The following NPHS2 variants were observed in gnomAD, a reference collection of about 807,000 sequenced individuals.
NPHS2 encodes NPHS2 stomatin family member, podocin, also known as podocin.
Under a neutral mutation model 37.1 loss-of-function variants are expected in NPHS2, and 36 were observed. That is an observed-to-expected ratio of 0.97 (90% CI 0.74 to 1.28). The LOEUF (loss-of-function observed/expected upper bound fraction) is 1.28, where lower values mean the gene tolerates loss of function less well. NPHS2 is among the 50% of genes most tolerant of loss of function. The pLI is 0.00. For synonymous variants in NPHS2, 196 were observed against 189.3 expected (o/e 1.04, Z -0.29); for missense variants, 447 against 488.1 (o/e 0.92, Z 0.79).
intron 1 of NPHS2, among the ~76,000 whole-genome samples, chr1:179,571,617 A>G (rs905555672): frequency 6.6e-6 from 1 of 152,170 alleles, no homozygotes; most frequent in Non-Finnish European, 1.5e-5. Flanking sequence ...TCAGACAGGG[A>G]TGTTTAAGTC....
intron 1 of NPHS2, among the ~76,000 whole-genome samples, chr1:179,570,998 T>C (rs1674531767): frequency 6.6e-6 from 1 of 152,204 alleles, no homozygotes; most frequent in Non-Finnish European, 1.5e-5. Flanking sequence ...TTCCTTGCGA[T>C]GGGTTCGAAC....
Position 179,551,330 on chromosome 1 carries a change from G to A in NPHS2, c.995C>T (p.Thr332Ile), listed in dbSNP as rs1160977844. 2.5e-6 allele frequency: 4 copies of A among 1,614,180 alleles called. No individual in the cohort carries two copies. The highest frequency in any genetic ancestry group is 3.4e-6 in the Non-Finnish European group (4 of 1,180,020). Residue 332 changes from threonine to isoleucine, a missense_variant, in exon 8 of 8, where the codon ACA becomes ATA. Thr to Ile is a moderately conservative substitution (Grantham distance 89). Transcript: ENST00000367615. ...RYLHTLQSLS[T>I]EKPSTVVLPL... ...TAAAACCACAGTGGAAGGCTTCTCT[G>A]TGGACAGAGACTGAAGGGTGTGGAG...
At chr1:179,574,156 G>C (rs919283463) in intron 1 of NPHS2, among the ~76,000 whole-genome samples, 3 of 152,112 alleles carry the variant, frequency 2.0e-5, no homozygotes, top group Non-Finnish European at 4.4e-5. Flanking sequence ...TCCTGCTTTT[G>C]TTACTCTGTA....
chr1:179,551,568 A>G, intron 7 of NPHS2, 117 bp from the exon 8 acceptor site: 5 of 1,172,172 alleles, frequency 4.3e-6, no homozygotes, highest in Non-Finnish European at 5.0e-6. Flanking sequence ...AAGCACGGTT[A>G]AGCATAGAAC....
chr1:179,552,675 A>G lies in NPHS2; in HGVS notation c.801T>C (p.Asp267=), dbSNP rs759106173. 1.2e-6 allele frequency: 2 copies of G among 1,613,718 alleles called. No homozygotes were observed. Among genetic ancestry groups the G allele is most frequent in the Non-Finnish European group, 8.5e-7 (1 of 1,179,740 alleles). ...GCTGAAGCCCAGCTGGCAACCTCAC[A>G]TCTTTACTGAAAAAGAAAGAATGCA... The part of the protein sequence containing the change: ...GIKVERIEIK[D]VRLPAGLQHS... The change falls in exon 7 of 8, where the codon GAT becomes GAC. Residue 267 remains aspartate, a synonymous_variant. Coordinates refer to ENST00000367615, the MANE Select transcript of NPHS2 (RefSeq NM_014625.4).
chr1:179,559,018 T>C (rs1466025939), intron 4 of NPHS2, among the ~76,000 whole-genome samples: 2 of 145,580 alleles, frequency 1.4e-5, no homozygotes, highest in South Asian at 4.3e-4. Context: ...CGTACACATA[T>C]AGGTATGCTG....
intron 1 of NPHS2, among the ~76,000 whole-genome samples, chr1:179,570,784 C>T (rs1342172090): frequency 6.6e-6 from 1 of 152,146 alleles, no homozygotes; most frequent in Non-Finnish European, 1.5e-5. Context: ...TTTCTCTAAC[C>T]TTGTCTTCTC....
intron 2 of NPHS2, among the ~76,000 whole-genome samples, chr1:179,564,275 C>G (rs1472266900): frequency 6.6e-6 from 1 of 152,158 alleles, no homozygotes; most frequent in Non-Finnish European, 1.5e-5. Context: ...ACTTCAGGGA[C>G]AGGCATCTGT....
intron 3 of NPHS2, among the ~76,000 whole-genome samples, chr1:179,560,389 A>C (rs2125787036): frequency 6.6e-6 from 1 of 152,282 alleles, no homozygotes; most frequent in Non-Finnish European, 1.5e-5. Context: ...CAAAAGCCAA[A>C]GCTTTGTTGA....
chr1:179,554,420 G>T lies in NPHS2; in HGVS notation c.794+56C>A. The T allele has an allele frequency of 1.9e-6, 3 of 1,606,932 alleles. No homozygotes were observed. The Admixed American group carries it at 5.0e-5, about 27-fold the overall frequency. On this transcript the variant is annotated intron_variant, in intron 6 of 7. Coordinates refer to ENST00000367615, the MANE Select transcript of NPHS2 (RefSeq NM_014625.4). ...ATTTTTCAAATGAAAAATTTAAAAT[G>T]AAACCAGAATATTTTCCTTTATCAT...
At chr1:179,566,232 G>A (rs1674329371) in intron 1 of NPHS2, among the ~76,000 whole-genome samples, 1 of 152,190 alleles carries the variant, frequency 6.6e-6, no homozygotes. Context: ...AGCATCTGTT[G>A]TTTCCTGACT....
chr1:179,557,019 C>G lies in NPHS2; in HGVS notation c.738+8G>C. On this transcript the variant is annotated splice_region_variant and intron_variant, in intron 5 of 7. Transcript: ENST00000367615. ...TCAGCATATTGGCCATTATGTTTAT[C>G]TAAGTACCTTTGCATCTTGGGCGAT... 3 of 1,607,900 alleles carry G rather than the reference C, an allele frequency of 1.9e-6. No individual in the cohort carries two copies. In the South Asian group the frequency reaches 3.3e-5, roughly 18 times the overall value.
chr1:179,551,115 C>T lies in NPHS2; in HGVS notation c.*58G>A, dbSNP rs1319531348. ...GGGAATGAGGACAGAGTGTCTCCCT[C>T]AGGCATGTGACTTTTCTATGGCAGG... is the stretch of plus-strand genomic sequence containing the variant. On this transcript the variant is annotated 3_prime_UTR_variant, in exon 8 of 8. Transcript: ENST00000367615. 5.0e-6 allele frequency: 8 copies of T among 1,607,122 alleles called. No individual in the cohort carries two copies. The African/African-American group carries it at 9.4e-5, about 19-fold the overall frequency.
Position 179,550,812 on chromosome 1 carries a change from T to C in NPHS2, c.*361A>G. The stretch of plus-strand genomic sequence containing the variant: ...TGCTTGTAGGAAGGGCTGTGGGAGC[T>C]GTGGCAACCTTGCCAAAGGGGTCAG... On this transcript the variant is annotated 3_prime_UTR_variant, in exon 8 of 8. Transcript: ENST00000367615. 1 of 321,994 alleles carries C rather than the reference T, an allele frequency of 3.1e-6. No individual in the cohort carries two copies. Among genetic ancestry groups the C allele is most frequent in the Admixed American group, 4.2e-5 (1 of 23,556 alleles). 19.9% of individuals were successfully genotyped at this position (321,994 alleles called of 1,614,324 possible). A position where few individuals can be genotyped will look rare whatever the true frequency, so the allele number is the denominator to read the frequency against.
intron 1 of NPHS2, among the ~76,000 whole-genome samples, chr1:179,567,225 A>G (rs1215437822): frequency 5.3e-5 from 8 of 152,022 alleles, no homozygotes; most frequent in Non-Finnish European, 1.2e-4. Flanking sequence ...ATTTGTTTCT[A>G]TCCTCTTTTA....
chr1:179,555,390 C>A (rs945991513), intron 5 of NPHS2, among the ~76,000 whole-genome samples: 3 of 152,190 alleles, frequency 2.0e-5, no homozygotes, highest in Non-Finnish European at 4.4e-5. Flanking sequence ...CCATCCACCC[C>A]CTTGATTGAA....
intron 6 of NPHS2, among the ~76,000 whole-genome samples, chr1:179,553,645 G>C (rs554374156): frequency 6.6e-6 from 1 of 152,128 alleles, no homozygotes; most frequent in Non-Finnish European, 1.5e-5. Flanking sequence ...GCTTCCTTTC[G>C]GGATGATGAA....
chr1:179,555,666 G>A (rs1371502044), intron 5 of NPHS2, among the ~76,000 whole-genome samples: 1 of 152,186 alleles, frequency 6.6e-6, no homozygotes, highest in Non-Finnish European at 1.5e-5. Flanking sequence ...GTGGAGAAAA[G>A]GGAAGTATTC....
At chr1:179,560,084 C>T (rs143491720) in intron 3 of NPHS2, among the ~76,000 whole-genome samples, 1 of 152,260 alleles carries the variant, frequency 6.6e-6, no homozygotes, top group Non-Finnish European at 1.5e-5. Flanking sequence ...GTGTCCTATG[C>T]ACTATTGTTA....
Sources: gnomAD v4.1 joint callset for allele counts (sites outside exome capture counted in the v4.1 genomes callset) on GRCh38, gnomAD v4.1.1 for gene constraint, MANE v1.5 for transcripts, NCBI Gene and HGNC (gene_info 2026-07-23, HGNC 2026-07-21) for gene names.